The following PHF20 variants were observed in gnomAD, a reference collection of about 807,000 sequenced individuals.
PHF20 encodes the protein PHD finger protein 20.
A neutral mutation model predicts 113.5 loss-of-function variants in PHF20; 23 were observed. The observed-to-expected ratio is 0.20, with a 90% CI of 0.15 to 0.29. The LOEUF (loss-of-function observed/expected upper bound fraction) is 0.29. Among genes scored for constraint, PHF20 ranks in the 10% least tolerant of loss-of-function variants. The pLI is 1.00. For synonymous variants in PHF20, 434 were observed against 457.3 expected, an observed-to-expected ratio of 0.95 and a Z score of 0.65; for missense variants, 943 against 1,219.6, an observed-to-expected ratio of 0.77 and a Z score of 3.38.
At chr20:35,864,724 A>G (rs2054283784) in intron 6 of PHF20, among the ~76,000 whole-genome samples, 1 of 152,064 alleles carries the variant, frequency 6.6e-6, no homozygotes, top group Non-Finnish European at 1.5e-5. Flanking sequence ...GGGTGCTGCA[A>G]TTGTCTGTAG....
chr20:35,811,846 C>A (rs867746714), intron 2 of PHF20, among the ~76,000 whole-genome samples: 43 of 152,246 alleles, frequency 2.8e-4, no homozygotes, highest in African/African-American at 9.9e-4. Flanking sequence ...TCTCTGCTCA[C>A]TGCAAGCTCT....
chr20:35,797,308 T>G (rs1248264673), intron 1 of PHF20, among the ~76,000 whole-genome samples: 5 of 151,806 alleles, frequency 3.3e-5, no homozygotes, highest in Non-Finnish European at 7.4e-5. Flanking sequence ...AGGTCAGGAA[T>G]TCAAGACCAG....
At chr20:35,915,744 G>C (rs1456772129) in intron 12 of PHF20, among the ~76,000 whole-genome samples, 1 of 152,060 alleles carries the variant, frequency 6.6e-6, no homozygotes, top group Non-Finnish European at 1.5e-5. Context: ...CATATGTCCT[G>C]AAAAATGTGA....
chr20:35,897,316 A>C (rs886262514), intron 9 of PHF20, among the ~76,000 whole-genome samples: 5 of 152,004 alleles, frequency 3.3e-5, no homozygotes, highest in Non-Finnish European at 7.4e-5. Flanking sequence ...ATTATTTTTA[A>C]TTGACATGTA....
chr20:35,844,101 C>T (rs146327787), intron 3 of PHF20, among the ~76,000 whole-genome samples: 20 of 151,588 alleles, frequency 1.3e-4, no homozygotes, highest in Non-Finnish European at 1.8e-4. Flanking sequence ...GCTCAAGAGC[C>T]GTTTTTTTGG....
At chr20:35,813,827 C>T (rs1336527868) in intron 2 of PHF20, among the ~76,000 whole-genome samples, 1 of 150,426 alleles carries the variant, frequency 6.6e-6, no homozygotes, top group Admixed American at 6.7e-5. Context: ...CATTGCACTC[C>T]AGCCTGTGTG....
chr20:35,927,468 C>T (rs961209620), intron 13 of PHF20, among the ~76,000 whole-genome samples: 5 of 152,178 alleles, frequency 3.3e-5, no homozygotes, highest in African/African-American at 9.6e-5. Context: ...TGTGCAAAGT[C>T]ACACAGCTAA....
intron 9 of PHF20, among the ~76,000 whole-genome samples, chr20:35,881,850 A>T (rs925448183): frequency 1.3e-5 from 2 of 152,240 alleles, no homozygotes; most frequent in South Asian, 2.1e-4. Flanking sequence ...CCTCAGGGCC[A>T]TACACTGGCC....
At chr20:35,820,286 T>G (rs1210946186) in intron 2 of PHF20, among the ~76,000 whole-genome samples, 3 of 152,170 alleles carry the variant, frequency 2.0e-5, no homozygotes, top group Admixed American at 6.6e-5. Flanking sequence ...AGTCATTCAT[T>G]CAATGCTAGA....
At chr20:35,906,743 A>G (rs1758384889) in intron 10 of PHF20, among the ~76,000 whole-genome samples, 1 of 152,190 alleles carries the variant, frequency 6.6e-6, no homozygotes, top group Admixed American at 6.5e-5. Context: ...TAGGCAGAAC[A>G]TCTGCCACCC....
chr20:35,865,440 T>A (rs8116836), intron 6 of PHF20, among the ~76,000 whole-genome samples: 17,695 of 150,416 alleles, frequency 0.12, 1,061 homozygotes, highest in South Asian at 0.17. Context: ...AAAAAAAAAA[T>A]TTTTTTTAAA....
chr20:35,865,161 C>A (rs1164275873), intron 6 of PHF20, among the ~76,000 whole-genome samples: 1 of 152,038 alleles, frequency 6.6e-6, no homozygotes, highest in Non-Finnish European at 1.5e-5. Context: ...CCACTGCATT[C>A]CAGCTTGGGC....
At chr20:35,852,393 G>A (rs2042749009) in intron 4 of PHF20, among the ~76,000 whole-genome samples, 1 of 152,170 alleles carries the variant, frequency 6.6e-6, no homozygotes, top group Non-Finnish European at 1.5e-5. Context: ...GTGATTATGG[G>A]CGGTTCACTG....
intron 2 of PHF20, among the ~76,000 whole-genome samples, chr20:35,821,767 A>G (rs1283151616): frequency 2.0e-5 from 3 of 152,228 alleles, no homozygotes; most frequent in Non-Finnish European, 4.4e-5. Flanking sequence ...GAAAGATGAT[A>G]GTTGTTTGAA....
intron 9 of PHF20, 78 bp downstream of exon 9, chr20:35,871,907 G>A: frequency 3.2e-6 from 3 of 932,562 alleles, no homozygotes; most frequent in South Asian, 4.0e-5. Context: ...AAAAAAAAAT[G>A]ACTTTTCTGT....
At chr20:35,857,759 G>C (rs1212841476) in intron 4 of PHF20, among the ~76,000 whole-genome samples, 4 of 151,564 alleles carry the variant, frequency 2.6e-5, no homozygotes, top group Admixed American at 2.6e-4. Flanking sequence ...CTAATTTTTT[G>C]TATTTTTAGT....
intron 16 of PHF20, among the ~76,000 whole-genome samples, chr20:35,940,543 C>G (rs559245032): frequency 6.6e-6 from 1 of 152,268 alleles, no homozygotes; most frequent in East Asian, 1.9e-4. Flanking sequence ...TGTACTAACC[C>G]TTGTCTGCAC....
intron 9 of PHF20, among the ~76,000 whole-genome samples, chr20:35,897,352 A>C (rs2055004813): frequency 6.6e-6 from 1 of 152,064 alleles, no homozygotes; most frequent in African/African-American, 2.4e-5. Context: ...CATGTGGTAC[A>C]GTGATATTTC....
At chr20:35,873,478 T>G (rs539404524) in intron 9 of PHF20, among the ~76,000 whole-genome samples, 6 of 148,964 alleles carry the variant, frequency 4.0e-5, no homozygotes, top group African/African-American at 1.5e-4. Flanking sequence ...TTTTTTTTTT[T>G]TTTTTTTTAA....
Sources: allele counts gnomAD v4.1 joint callset (sites outside exome capture counted in the v4.1 genomes callset), GRCh38; gene constraint gnomAD v4.1.1; transcripts MANE v1.5; gene names NCBI Gene and HGNC (gene_info 2026-07-23, HGNC 2026-07-21).